The following KSR2 variants were observed in gnomAD, a reference collection of about 807,000 sequenced individuals.
The protein encoded by KSR2 is kinase suppressor of ras 2.
A neutral mutation model predicts 107.8 loss-of-function variants in KSR2; 25 were observed. That is an observed-to-expected ratio of 0.23 (90% CI 0.17 to 0.32). KSR2 has a LOEUF of 0.32. Among genes scored for constraint, KSR2 ranks in the 10% least tolerant of loss-of-function variants. The probability of loss-of-function intolerance (pLI) is 1.00; values close to 1 mark genes in which losing one functional copy is unlikely to be tolerated. For synonymous variants in KSR2, 480 were observed against 507.0 expected (o/e 0.95, Z 0.71); for missense variants, 887 against 1,268.9 (o/e 0.70, Z 4.57).
rs75113046 is a variant in KSR2 at position 117,888,563 on chromosome 12, T to C, written c.181-28132A>G. The stretch of plus-strand genomic sequence containing the variant: ...AGACCTGAGGGTGAAGCCTCCATGA[T>C]GGGATCAGTGTCCTTCTAGGAACAG... On this transcript the variant is annotated intron_variant, in intron 1 of 19. Transcript: ENST00000339824. 8.4e-3 allele frequency among the ~76,000 whole-genome samples: 1,283 copies of C among 152,100 alleles called. 20 individuals carry two copies. The highest frequency in any genetic ancestry group is 0.028 in the African/African-American group (1,164 of 41,472).
chr12:117,809,701 T>A (rs1250643745), intron 3 of KSR2, among the ~76,000 whole-genome samples: 1 of 152,236 alleles, frequency 6.6e-6, no homozygotes, highest in Admixed American at 6.5e-5. Context: ...AGCTTGCACG[T>A]AAGTCTCACA....
chr12:117,843,777 G>A (rs1215014332), intron 3 of KSR2, among the ~76,000 whole-genome samples: 1 of 151,996 alleles, frequency 6.6e-6, no homozygotes, highest in East Asian at 1.9e-4. Context: ...AGCCACAAAG[G>A]GCCAACAACT....
intron 12 of KSR2, among the ~76,000 whole-genome samples, 183 bp from the exon 13 acceptor site, chr12:117,527,302 GAC>G (rs754390805): frequency 0.014 from 923 of 67,642 alleles, 9 homozygotes; most frequent in South Asian, 0.031. Flanking sequence ...CACACACACA[GAC>G]ACACACACAC....
intron 3 of KSR2, among the ~76,000 whole-genome samples, chr12:117,763,439 G>A (rs963893106): frequency 1.4e-4 from 21 of 152,088 alleles, no homozygotes; most frequent in African/African-American, 3.6e-4. Context: ...ATGCAACCAC[G>A]TAAAGCCTTT....
intron 19 of KSR2, 85 bp from the exon 20 acceptor site, chr12:117,467,290 G>A: frequency 1.7e-6 from 1 of 605,880 alleles, no homozygotes; most frequent in Non-Finnish European, 3.0e-6. Flanking sequence ...CCCTCTCAGT[G>A]GGCCAGGTGG....
At chr12:117,800,351 G>A (rs1471232153) in intron 3 of KSR2, among the ~76,000 whole-genome samples, 1 of 152,092 alleles carries the variant, frequency 6.6e-6, no homozygotes, top group Non-Finnish European at 1.5e-5. Context: ...CCTGTCTGTG[G>A]TTCCTCATGT....
At position 117,897,299 on chromosome 12, in the gene KSR2, T is replaced by TGG. The variant is rs1894545060; in HGVS notation, c.181-36869_181-36868insCC. Among the ~76,000 whole-genome samples, 1 of 152,124 alleles carries TGG rather than the reference T, an allele frequency of 6.6e-6. No homozygotes were observed. Among genetic ancestry groups the TGG allele is most frequent in the Non-Finnish European group, 1.5e-5 (1 of 68,032 alleles). On this transcript the variant is annotated intron_variant, in intron 1 of 19. Transcript: ENST00000339824. The surrounding 1 kb of genome is among the most constrained non-coding windows in gnomAD (Gnocchi z 4.5). Reference sequence around the variant, plus strand: ...AAATACTTGCCAACTAAGAATACCTTTGGCAGTCAGCACACCATGCTGAAA... The same window carrying TGG: ...AAATACTTGCCAACTAAGAATACCTTGGTGGCAGTCAGCACACCATGCTGAAA...
intron 1 of KSR2, among the ~76,000 whole-genome samples, chr12:117,904,781 A>C (rs1894789684): frequency 6.6e-6 from 1 of 152,196 alleles, no homozygotes; most frequent in South Asian, 2.1e-4. Flanking sequence ...TTAGCCCCCA[A>C]GAAGATGATC....
In KSR2 at chr12:117,714,486, T is replaced by C. The variant is rs998136648; in HGVS notation, c.986+46525A>G. On this transcript the variant is annotated intron_variant, in intron 4 of 19. Transcript: ENST00000339824. ...GAGGGGCCATAGGGAGAGAAAGAAA[T>C]GACACTGGCAGAGAACCTATTTTGT... Among the ~76,000 whole-genome samples, 22 of 152,100 alleles carry C rather than the reference T, an allele frequency of 1.4e-4. 1 individual carries two copies. Among genetic ancestry groups the C allele is most frequent in the Admixed American group, 1.1e-3 (17 of 15,276 alleles).
At chr12:117,665,437 G>A (rs1473753633) in intron 5 of KSR2, among the ~76,000 whole-genome samples, 1 of 151,844 alleles carries the variant, frequency 6.6e-6, no homozygotes, top group African/African-American at 2.4e-5. Flanking sequence ...AACCCCTGGA[G>A]GGGGCCCGGC....
At chr12:117,747,284 G>T (rs968320327) in intron 4 of KSR2, among the ~76,000 whole-genome samples, 5 of 152,144 alleles carry the variant, frequency 3.3e-5, no homozygotes, top group Non-Finnish European at 7.3e-5. Flanking sequence ...CCTTTGCAGG[G>T]ACATGGATGA....
At chr12:117,892,240 G>T (rs1894368886) in intron 1 of KSR2, among the ~76,000 whole-genome samples, 1 of 152,062 alleles carries the variant, frequency 6.6e-6, no homozygotes, top group Non-Finnish European at 1.5e-5. Context: ...GGAGGCAGAG[G>T]TTGCAGTGAG....
intron 14 of KSR2, among the ~76,000 whole-genome samples, chr12:117,504,108 A>T (rs1873537258): frequency 6.6e-6 from 1 of 152,226 alleles, no homozygotes; most frequent in Non-Finnish European, 1.5e-5. Context: ...TCTCACAGAT[A>T]GAAAGCAAGC....
chr12:117,724,077 T>A (rs980602644), intron 4 of KSR2, among the ~76,000 whole-genome samples: 3 of 151,934 alleles, frequency 2.0e-5, no homozygotes, highest in Middle Eastern at 3.4e-3. Context: ...GAGACTGAGG[T>A]GGGCGAATCA....
chr12:117,903,439 G>A (rs1894748466), intron 1 of KSR2, among the ~76,000 whole-genome samples: 1 of 152,162 alleles, frequency 6.6e-6, no homozygotes, highest in African/African-American at 2.4e-5. Context: ...CTTTTTTAGT[G>A]TAAAGTATAT....
At chr12:117,751,770 C>G (rs190064815) in intron 4 of KSR2, among the ~76,000 whole-genome samples, 1 of 152,282 alleles carries the variant, frequency 6.6e-6, no homozygotes, top group Non-Finnish European at 1.5e-5. Flanking sequence ...AAAAGAATGG[C>G]CCCTGAGGAT....
At chr12:117,492,222 G>T (rs1437802334) in intron 14 of KSR2, among the ~76,000 whole-genome samples, 1 of 152,208 alleles carries the variant, frequency 6.6e-6, no homozygotes, top group Non-Finnish European at 1.5e-5. Context: ...ATGGCACTGT[G>T]GGTACAAGAT....
At chr12:117,798,837 T>C (rs1464675809) in intron 3 of KSR2, among the ~76,000 whole-genome samples, 1 of 152,034 alleles carries the variant, frequency 6.6e-6, no homozygotes, top group Non-Finnish European at 1.5e-5. Context: ...ACAACCCCAG[T>C]GTCCATCAAT....
intron 17 of KSR2, among the ~76,000 whole-genome samples, chr12:117,474,181 T>A (rs1432970316): frequency 6.6e-6 from 1 of 152,210 alleles, no homozygotes; most frequent in African/African-American, 2.4e-5. Context: ...GAAAAAAGAT[T>A]TGCTGAAGAT....
Sources: gnomAD v4.1 joint callset for allele counts (sites outside exome capture counted in the v4.1 genomes callset) on GRCh38, gnomAD v4.1.1 for gene constraint, Gnocchi (gnomAD v3.1) non-coding constraint, MANE v1.5 for transcripts, NCBI Gene and HGNC (gene_info 2026-07-23, HGNC 2026-07-21) for gene names.